OSBPL6: variants seen among roughly 807,000 people sequenced by gnomAD.
The protein encoded by OSBPL6 is oxysterol-binding protein-related protein 6.
In OSBPL6, 49 loss-of-function variants were observed where a neutral mutation model predicts 125.8. That is an observed-to-expected ratio of 0.39 (90% CI 0.31 to 0.49). The LOEUF is 0.49. Ranked by LOEUF, OSBPL6 falls within the 20% of genes least tolerant of loss-of-function variation. OSBPL6 has a pLI of 0.88. For synonymous variants in OSBPL6, 394 were observed against 391.8 expected, an observed-to-expected ratio of 1.01 and a Z score of -0.07; for missense variants, 986 against 1,135.4, an observed-to-expected ratio of 0.87 and a Z score of 1.89.
At chr2:178,365,536 C>T (rs997361321) in intron 13 of OSBPL6, among the ~76,000 whole-genome samples, 1 of 151,904 alleles carries the variant, frequency 6.6e-6, no homozygotes, top group African/African-American at 2.4e-5. Flanking sequence ...ATTAGCTGGG[C>T]GTGGTGGCAG....
At chr2:178,325,613 G>A (rs1388069116) in intron 4 of OSBPL6, among the ~76,000 whole-genome samples, 10 of 152,146 alleles carry the variant, frequency 6.6e-5, no homozygotes, top group Admixed American at 5.9e-4. Flanking sequence ...ATAAATAAAA[G>A]GGCAATGGAA....
intron 1 of OSBPL6, among the ~76,000 whole-genome samples, chr2:178,279,871 C>A (rs1195713961): frequency 2.6e-5 from 4 of 152,116 alleles, no homozygotes; most frequent in Non-Finnish European, 5.9e-5. Flanking sequence ...AGTTTATGTG[C>A]AAGGTAAAAC....
intron 9 of OSBPL6, among the ~76,000 whole-genome samples, chr2:178,338,124 G>A (rs1689863230): frequency 6.6e-6 from 1 of 151,846 alleles, no homozygotes; most frequent in Non-Finnish European, 1.5e-5. Flanking sequence ...GTAGAGATGG[G>A]GTTTCACCAT....
At chr2:178,209,740 C>G (rs1022713248) in intron 1 of OSBPL6, among the ~76,000 whole-genome samples, 1 of 151,854 alleles carries the variant, frequency 6.6e-6, no homozygotes, top group Non-Finnish European at 1.5e-5. Context: ...CAGAGCTGGT[C>G]CTGTAAGGAA....
intron 12 of OSBPL6, among the ~76,000 whole-genome samples, chr2:178,352,963 G>A (rs1691425499): frequency 6.6e-6 from 1 of 152,200 alleles, no homozygotes; most frequent in Non-Finnish European, 1.5e-5. Flanking sequence ...GGTCAGAAGT[G>A]GACCTCCAGC....
intron 15 of OSBPL6, among the ~76,000 whole-genome samples, chr2:178,376,359 CCTT>C (rs570822092): frequency 7.9e-5 from 12 of 152,140 alleles, no homozygotes; most frequent in Admixed American, 1.3e-4. Context: ...TTCCTTCACT[CCTT>C]CTTTCCCTTT....
At chr2:178,292,530 C>T (rs547413938) in intron 2 of OSBPL6, among the ~76,000 whole-genome samples, 77 of 152,246 alleles carry the variant, frequency 5.1e-4, no homozygotes, top group African/African-American at 1.6e-3. Flanking sequence ...AAAGGTTTAA[C>T]GTTTTAGAAC....
chr2:178,382,614 A>G lies in OSBPL6; in HGVS notation c.1621+107A>G, dbSNP rs530716901. 1.2e-5 allele frequency: 19 copies of G among 1,533,178 alleles called. No homozygotes were observed. In the East Asian group the frequency reaches 3.3e-4, roughly 27 times the overall value. The allele number at this position is 1,533,178 out of a possible 1,614,324, so 95.0% of individuals were successfully genotyped here. ...TCCCACGCCACCCCCACCCCTGCTA[A>G]TTGTTCTTTTGGCAGCTGATTGTTC... On this transcript the variant is annotated intron_variant, in intron 16 of 24. Coordinates refer to ENST00000190611, the MANE Select transcript of OSBPL6 (RefSeq NM_032523.4).
intron 1 of OSBPL6, among the ~76,000 whole-genome samples, chr2:178,249,370 A>C (rs2091605088): frequency 6.6e-6 from 1 of 152,136 alleles, no homozygotes; most frequent in African/African-American, 2.4e-5. Context: ...AGTAGCTATA[A>C]ATTTATTCCT....
At chr2:178,371,974 C>T in intron 13 of OSBPL6, 152 bp from the exon 14 acceptor site, 1 of 498,006 alleles carries the variant, frequency 2.0e-6, no homozygotes, top group Non-Finnish European at 3.5e-6. Flanking sequence ...CATTTATTTA[C>T]TCCTTGCTGG....
chr2:178,238,327 G>A (rs1352333671), intron 1 of OSBPL6, among the ~76,000 whole-genome samples: 1 of 152,102 alleles, frequency 6.6e-6, no homozygotes, highest in Non-Finnish European at 1.5e-5. Context: ...CATATATACT[G>A]TCAACACATT....
chr2:178,242,724 T>C (rs1283432519), intron 1 of OSBPL6, among the ~76,000 whole-genome samples: 2 of 152,198 alleles, frequency 1.3e-5, no homozygotes, highest in Non-Finnish European at 2.9e-5. Context: ...TGTAGTGCTT[T>C]TCAAAATACT....
chr2:178,393,527 T>A (rs1272537851), intron 23 of OSBPL6, among the ~76,000 whole-genome samples: 2 of 152,222 alleles, frequency 1.3e-5, no homozygotes, highest in Non-Finnish European at 2.9e-5. Flanking sequence ...TGCTCTCAGT[T>A]TTGAATGTTC....
chr2:178,386,751 C>T lies in OSBPL6; in HGVS notation c.2078-310C>T, dbSNP rs74812381. Among the ~76,000 whole-genome samples the T allele has an allele frequency of 3.3e-5, 5 of 151,462 alleles. No homozygotes were observed. The East Asian group carries it at 7.7e-4, about 23-fold the overall frequency. ...CACACACACACACACACACACACAC[C>T]GCACACACACTGTTCCAGGCTTCTC... On this transcript the variant is annotated intron_variant, in intron 19 of 24. Coordinates refer to ENST00000190611, the MANE Select transcript of OSBPL6 (RefSeq NM_032523.4).
intron 1 of OSBPL6, among the ~76,000 whole-genome samples, chr2:178,276,758 C>T (rs2092477354): frequency 6.6e-6 from 1 of 151,650 alleles, no homozygotes; most frequent in South Asian, 2.1e-4. Flanking sequence ...ATTTTGTTTT[C>T]CCTTTTATTA....
intron 3 of OSBPL6, among the ~76,000 whole-genome samples, chr2:178,314,082 C>T (rs1044931983): frequency 3.3e-5 from 5 of 152,166 alleles, no homozygotes; most frequent in Non-Finnish European, 5.9e-5. Flanking sequence ...GTGTCTCCTC[C>T]GACTGAGCCT....
In OSBPL6 at chr2:178,306,248, G is replaced by T; in HGVS notation, c.64G>T (p.Ala22Ser). Residue 22 changes from alanine (A) to serine (S), a missense_variant, in exon 3 of 25, where the codon GCC (alanine) becomes TCC (serine). This residue lies in a region of OSBPL6 where 130 missense variants were observed against 106.4 expected (regional missense o/e 1.22). Coordinates refer to ENST00000190611, the MANE Select transcript of OSBPL6 (RefSeq NM_032523.4). Reference sequence around the variant, plus strand: ...AACATCCACTCCAACCCATAGAAGTGCCTCCTCTTCAACATCCTCCCAAAG... The same window carrying T: ...AACATCCACTCCAACCCATAGAAGTTCCTCCTCTTCAACATCCTCCCAAAG... ...HKTSTPTHRS[A>S]SSSTSSQRDS... is the part of the protein sequence containing the mutation. 6.2e-7 allele frequency: 1 copy of T among 1,613,830 alleles called. No homozygotes were observed. Among genetic ancestry groups the T allele is most frequent in the Non-Finnish European group, 8.5e-7 (1 of 1,179,770 alleles).
chr2:178,213,554 C>G (rs1049225065), intron 1 of OSBPL6, among the ~76,000 whole-genome samples: 3 of 152,094 alleles, frequency 2.0e-5, no homozygotes, highest in African/African-American at 7.2e-5. Context: ...GTAACAGAAG[C>G]CTTGCAACTG....
In OSBPL6 at chr2:178,389,000, CTTCACTAGGTAT is replaced by C. The variant is rs774164511; in HGVS notation, c.2157-8_2160del. ...GGTTGTTTTTCATCAGTGTTACATTCTTCACTAGGTATGGAGATTACTATGTGTGGAATAAAG... is the reference window on the plus strand; with the variant it reads ...GGTTGTTTTTCATCAGTGTTACATTCGGAGATTACTATGTGTGGAATAAAG... On this transcript the variant is annotated splice_acceptor_variant and splice_polypyrimidine_tract_variant and coding_sequence_variant and intron_variant, in exon 21 of 25. Transcript: ENST00000190611. LOFTEE classifies it high-confidence loss of function. The C allele has an allele frequency of 6.2e-7, 1 of 1,612,820 alleles. No homozygotes were observed. The highest frequency in any genetic ancestry group is 1.1e-5 in the South Asian group (1 of 90,800).
Sources: allele counts gnomAD v4.1 joint callset (sites outside exome capture counted in the v4.1 genomes callset), GRCh38; gene constraint gnomAD v4.1.1; regional missense constraint gnomAD v4.1.1; transcripts MANE v1.5; gene names NCBI Gene and HGNC (gene_info 2026-07-23, HGNC 2026-07-21).